The following KCNQ3 variants were observed in gnomAD, a reference collection of about 807,000 sequenced individuals.
The protein encoded by KCNQ3 is potassium voltage-gated channel subfamily KQT member 3.
Under a neutral mutation model 92.5 loss-of-function variants are expected in KCNQ3, and 30 were observed. The ratio of observed to expected loss-of-function variants is 0.32; its 90% confidence interval spans 0.24 to 0.44. KCNQ3 has a LOEUF of 0.44. KCNQ3 is among the 20% of genes least tolerant of loss of function. The probability of loss-of-function intolerance (pLI) is 1.00; values close to 1 mark genes in which losing one functional copy is unlikely to be tolerated. For synonymous variants in KCNQ3, 450 were observed against 468.8 expected (o/e 0.96, Z 0.52); for missense variants, 913 against 1,140.3 (o/e 0.80, Z 2.87).
In KCNQ3 at chr8:132,125,234, C is replaced by A. The variant is rs1824626029; in HGVS notation, c.*4028G>T. 1 of 152,186 alleles carries A rather than the reference C, an allele frequency of 6.6e-6. No individual in the cohort carries two copies. Among genetic ancestry groups the A allele is most frequent in the African/African-American group, 2.4e-5 (1 of 41,452 alleles). 9.4% of individuals were successfully genotyped at this position (152,186 alleles called of 1,614,324 possible). On this transcript the variant is annotated 3_prime_UTR_variant, in exon 15 of 15. Transcript: ENST00000388996. ...ATCCAAACTCGAAGTCCCCATTCAA[C>A]CCACTCAGCCTTGACTGGGCTGATT... is the stretch of plus-strand genomic sequence containing the variant.
intron 1 of KCNQ3, among the ~76,000 whole-genome samples, chr8:132,442,863 TTTAGAGAAAAAA>T (rs1231861394): frequency 6.6e-6 from 1 of 152,162 alleles, no homozygotes; most frequent in Non-Finnish European, 1.5e-5. Context: ...CTCTTCTAGA[TTTAGAGAAAAAA>T]ATGTTTGAGA....
intron 1 of KCNQ3, among the ~76,000 whole-genome samples, chr8:132,446,055 CT>C (rs1664355851): frequency 6.6e-6 from 1 of 152,178 alleles, no homozygotes; most frequent in Non-Finnish European, 1.5e-5. Flanking sequence ...ATTTAATCAT[CT>C]GTGTCTATTC....
At chr8:132,273,230 A>T (rs778814457) in intron 1 of KCNQ3, among the ~76,000 whole-genome samples, 1 of 152,204 alleles carries the variant, frequency 6.6e-6, no homozygotes, top group Non-Finnish European at 1.5e-5. Flanking sequence ...GTATTTCCAA[A>T]CATCCTCTGA....
chr8:132,469,928 C>T lies in KCNQ3; in HGVS notation c.386+10219G>A, dbSNP rs534977360. Among the ~76,000 whole-genome samples the T allele has an allele frequency of 1.2e-4, 19 of 152,078 alleles. No homozygotes were observed. The South Asian group carries it at 1.5e-3, about 12-fold the overall frequency. On this transcript the variant is annotated intron_variant, in intron 1 of 14. Coordinates refer to ENST00000388996, the MANE Select transcript of KCNQ3 (RefSeq NM_004519.4). ...CTTGGACAAACAGTAGTACCTTCGT[C>T]TCATCCCTGGCTGCTTAAACCTCCC...
chr8:132,443,277 A>G (rs1048519747), intron 1 of KCNQ3, among the ~76,000 whole-genome samples: 1 of 151,308 alleles, frequency 6.6e-6, no homozygotes, highest in Admixed American at 6.6e-5. Context: ...ACTACCAATT[A>G]GAGCCGGTGG....
chr8:132,304,690 C>A (rs1817361153), intron 1 of KCNQ3, among the ~76,000 whole-genome samples: 1 of 152,186 alleles, frequency 6.6e-6, no homozygotes, highest in Non-Finnish European at 1.5e-5. Context: ...AAAACATTTT[C>A]ATCATTGCAG....
rs770320571 is a variant in KCNQ3 at position 132,129,073 on chromosome 8, G to A, written c.*189C>T. On this transcript the variant is annotated 3_prime_UTR_variant, in exon 15 of 15. Transcript: ENST00000388996. This position sits in a 1 kb window ranked among gnomAD's most constrained non-coding sequence, Gnocchi z 5.9. ...AAGTCATGCAAACCATGCTGAAAAG[G>A]AAGCACTTTGTTGTGGTGACATGGG... 1.6e-6 allele frequency: 1 copy of A among 627,852 alleles called. No individual in the cohort carries two copies. The highest frequency in any genetic ancestry group is 2.8e-6 in the Non-Finnish European group (1 of 358,450). The allele number at this position is 627,852 out of a possible 1,614,324, so 38.9% of individuals were successfully genotyped here.
At chr8:132,185,946 G>A in intron 2 of KCNQ3, 145 bp downstream of exon 2, 2 of 704,494 alleles carry the variant, frequency 2.8e-6, no homozygotes, top group Non-Finnish European at 2.6e-6. Flanking sequence ...CCAAGTAATG[G>A]AGGCTTTGCT....
chr8:132,442,528 G>A (rs1821564679), intron 1 of KCNQ3, among the ~76,000 whole-genome samples: 1 of 152,186 alleles, frequency 6.6e-6, no homozygotes, highest in Non-Finnish European at 1.5e-5. Context: ...GGGCTAAAAT[G>A]TATTTTCAGA....
chr8:132,207,121 T>A (rs1813683896), intron 1 of KCNQ3, among the ~76,000 whole-genome samples: 2 of 152,210 alleles, frequency 1.3e-5, no homozygotes, highest in African/African-American at 2.4e-5. Flanking sequence ...CTATGAGAAA[T>A]ACCATTGTGC....
At position 132,123,182 on chromosome 8, in the gene KCNQ3, T is replaced by C. The variant is rs1451025490; in HGVS notation, c.*6080A>G. ...TGTTTAATTGGCCTATAGATGAGGA[T>C]GCAACCTAAGGCATGACTGTTGCTG... On this transcript the variant is annotated 3_prime_UTR_variant, in exon 15 of 15. Coordinates refer to ENST00000388996, the MANE Select transcript of KCNQ3 (RefSeq NM_004519.4). 6.6e-6 allele frequency: 1 copy of C among 152,152 alleles called. No individual in the cohort carries two copies. Among genetic ancestry groups the C allele is most frequent in the East Asian group, 1.9e-4 (1 of 5,188 alleles). 9.4% of individuals were successfully genotyped at this position (152,152 alleles called of 1,614,324 possible).
At position 132,436,941 on chromosome 8, in the gene KCNQ3, T is replaced by C. The variant is rs115570894; in HGVS notation, c.386+43206A>G. The stretch of plus-strand genomic sequence containing the variant: ...CTGCTGTCATTTTCAGGACAGGCTT[T>C]TCAGGAGTTGGACTAATCTTTTGTG... On this transcript the variant is annotated intron_variant, in intron 1 of 14. Transcript: ENST00000388996. Among the ~76,000 whole-genome samples the C allele has an allele frequency of 8.9e-3, 1,350 of 152,280 alleles. 21 individuals are homozygous for C. The highest frequency in any genetic ancestry group is 0.031 in the African/African-American group (1,268 of 41,542).
chr8:132,478,564 CA>C (rs1563925011), intron 1 of KCNQ3, among the ~76,000 whole-genome samples: 1 of 151,930 alleles, frequency 6.6e-6, no homozygotes. Context: ...CTAAAAAGAG[CA>C]AATGAAAGAG....
At chr8:132,366,515 T>C (rs1284410846) in intron 1 of KCNQ3, among the ~76,000 whole-genome samples, 1 of 152,210 alleles carries the variant, frequency 6.6e-6, no homozygotes, top group African/African-American at 2.4e-5. Context: ...TGCTCTTACC[T>C]TTCAACCTCC....
intron 1 of KCNQ3, among the ~76,000 whole-genome samples, chr8:132,257,765 A>G (rs1413162094): frequency 9.4e-5 from 8 of 85,210 alleles, no homozygotes; most frequent in East Asian, 5.4e-4. Flanking sequence ...AAAAAAAAAA[A>G]AGAGAGAGAG....
intron 1 of KCNQ3, among the ~76,000 whole-genome samples, chr8:132,296,396 T>C (rs1333467671): frequency 1.3e-5 from 2 of 151,958 alleles, no homozygotes; most frequent in Non-Finnish European, 2.9e-5. Context: ...TATTTTATTT[T>C]ATTATTATTA....
chr8:132,328,363 A>G (rs1818123354), intron 1 of KCNQ3, among the ~76,000 whole-genome samples: 1 of 152,100 alleles, frequency 6.6e-6, no homozygotes. Context: ...GAGGCTATAT[A>G]AGGGAGAACC....
intron 13 of KCNQ3, among the ~76,000 whole-genome samples, chr8:132,133,677 G>T (rs994177868): frequency 6.6e-6 from 1 of 152,122 alleles, no homozygotes; most frequent in African/African-American, 2.4e-5. Context: ...ATAAGTGGAA[G>T]GTTCATAATA....
intron 1 of KCNQ3, among the ~76,000 whole-genome samples, chr8:132,329,509 C>T (rs1428976498): frequency 3.3e-5 from 5 of 151,866 alleles, no homozygotes; most frequent in East Asian, 1.9e-4. Context: ...CCATCAAAGG[C>T]GACACATGTC....
Sources: allele counts gnomAD v4.1 joint callset (sites outside exome capture counted in the v4.1 genomes callset), GRCh38; gene constraint gnomAD v4.1.1; non-coding constraint Gnocchi (gnomAD v3.1); transcripts MANE v1.5; gene names NCBI Gene and HGNC (gene_info 2026-07-23, HGNC 2026-07-21).